The following DIP2C variants were observed in gnomAD, a reference collection of about 807,000 sequenced individuals.
DIP2C encodes DIP2 acetate--CoA ligase C (putative).
A neutral mutation model predicts 192.4 loss-of-function variants in DIP2C; 33 were observed. The ratio of observed to expected loss-of-function variants is 0.17; its 90% CI spans 0.13 to 0.23. The LOEUF (loss-of-function observed/expected upper bound fraction) is 0.23. Among genes scored for constraint, DIP2C ranks in the 10% least tolerant of loss-of-function variants. The pLI is 1.00. For synonymous variants in DIP2C, 979 were observed against 864.1 expected, an observed-to-expected ratio of 1.13 and a Z score of -2.33; for missense variants, 1,537 against 2,110.1, an observed-to-expected ratio of 0.73 and a Z score of 5.32.
intron 1 of DIP2C, among the ~76,000 whole-genome samples, chr10:499,260 T>C (rs889508733): frequency 7.9e-5 from 12 of 152,192 alleles, no homozygotes; most frequent in African/African-American, 2.7e-4. Flanking sequence ...TGGCTGCTCG[T>C]TGGCAGCGCA....
intron 1 of DIP2C, among the ~76,000 whole-genome samples, chr10:580,377 T>C (rs1357127643): frequency 1.3e-5 from 2 of 152,164 alleles, no homozygotes; most frequent in East Asian, 1.9e-4. Flanking sequence ...CACATGTATA[T>C]ATATAAGTAC....
chr10:674,490 CG>C (rs1830787193), intron 1 of DIP2C, among the ~76,000 whole-genome samples: 3 of 152,110 alleles, frequency 2.0e-5, no homozygotes, highest in South Asian at 4.2e-4. Flanking sequence ...AATAGAGAGG[CG>C]GGGTGCAGTG....
At chr10:546,785 T>C (rs564900277) in intron 1 of DIP2C, among the ~76,000 whole-genome samples, 3 of 104,358 alleles carry the variant, frequency 2.9e-5, no homozygotes, top group South Asian at 2.5e-4. Context: ...CACATTTCAT[T>C]ATGTCAAAAA....
intron 3 of DIP2C, among the ~76,000 whole-genome samples, chr10:459,227 G>A (rs1969552612): frequency 6.6e-6 from 1 of 152,020 alleles, no homozygotes; most frequent in Non-Finnish European, 1.5e-5. Context: ...GCCAGCCTTG[G>A]AAAAACCCAC....
Position 678,561 on chromosome 10 carries a change from T to C in DIP2C, c.85+10933A>G, listed in dbSNP as rs187060890. On this transcript the variant is annotated intron_variant, in intron 1 of 36. Transcript: ENST00000280886. ...CGCCCATCTCTGCTCCCCATGCCCA[T>C]GCTCCCCACGCCCGTCCTCCCTGCA... 2.2e-3 allele frequency among the ~76,000 whole-genome samples: 327 copies of C among 148,346 alleles called. 1 individual carries two copies. The highest frequency in any genetic ancestry group is 7.9e-3 in the African/African-American group (311 of 39,124).
intron 1 of DIP2C, chr10:662,198 A>G: frequency 1.4e-6 from 1 of 697,616 alleles, no homozygotes; most frequent in Non-Finnish European, 2.6e-6. Flanking sequence ...ATACACAAAG[A>G]GTACAGGCCT....
intron 3 of DIP2C, among the ~76,000 whole-genome samples, chr10:467,565 TAAAAA>T (rs71376835): frequency 4.6e-5 from 6 of 130,404 alleles, no homozygotes; most frequent in Admixed American, 3.1e-4. Context: ...TATTTAAGTG[TAAAAA>T]AAAAAAAAAA....
intron 3 of DIP2C, among the ~76,000 whole-genome samples, chr10:466,645 C>T (rs1449406700): frequency 2.0e-5 from 3 of 147,418 alleles, no homozygotes; most frequent in Non-Finnish European, 3.0e-5. Context: ...ACTCATCTGA[C>T]AAAGGGCTAA....
At chr10:325,657 G>C (rs545057869) in intron 31 of DIP2C, among the ~76,000 whole-genome samples, 1 of 152,290 alleles carries the variant, frequency 6.6e-6, no homozygotes, top group South Asian at 2.1e-4. Context: ...CATTTATGAG[G>C]AACAGAAAAA....
intron 35 of DIP2C, chr10:281,920 G>A (rs1589378054): frequency 6.6e-6 from 1 of 152,236 alleles, no homozygotes; most frequent in African/African-American, 2.4e-5. Context: ...AAGTGGTCAG[G>A]TCCTATCTTT....
intron 24 of DIP2C, among the ~76,000 whole-genome samples, chr10:351,687 C>T (rs1191811125): frequency 2.6e-5 from 4 of 152,206 alleles, no homozygotes; most frequent in African/African-American, 9.6e-5. Context: ...CAACAAGGAA[C>T]GCAGGGCTGG....
At chr10:585,397 T>C (rs936341629) in intron 1 of DIP2C, among the ~76,000 whole-genome samples, 1 of 152,190 alleles carries the variant, frequency 6.6e-6, no homozygotes, top group Non-Finnish European at 1.5e-5. Context: ...CCCTGAGTAT[T>C]CCACATAGTA....
chr10:383,208 T>C (rs909420771), intron 16 of DIP2C, among the ~76,000 whole-genome samples: 9 of 152,260 alleles, frequency 5.9e-5, no homozygotes, highest in African/African-American at 1.9e-4. Flanking sequence ...TTTGTACTTA[T>C]GGGTTAAAAC....
At chr10:648,104 A>G (rs1021072304) in intron 1 of DIP2C, among the ~76,000 whole-genome samples, 1 of 149,792 alleles carries the variant, frequency 6.7e-6, no homozygotes, top group South Asian at 2.1e-4. Context: ...GAAACAGTCC[A>G]CGTCCACATT....
chr10:586,952 C>T (rs1193038986), intron 1 of DIP2C, among the ~76,000 whole-genome samples: 1 of 151,760 alleles, frequency 6.6e-6, no homozygotes, highest in Non-Finnish European at 1.5e-5. Context: ...GCAAACAGTG[C>T]AGTGTCTAAG....
At chr10:625,890 G>GT (rs1407231780) in intron 1 of DIP2C, among the ~76,000 whole-genome samples, 1 of 152,210 alleles carries the variant, frequency 6.6e-6, no homozygotes, top group African/African-American at 2.4e-5. Context: ...AAGTGACAGA[G>GT]TGAAACCATG....
chr10:446,221 A>T (rs1480523849), intron 3 of DIP2C, among the ~76,000 whole-genome samples: 1 of 150,872 alleles, frequency 6.6e-6, no homozygotes, highest in Non-Finnish European at 1.5e-5. Flanking sequence ...ATCTGTTGTG[A>T]AAAGTCTCAC....
intron 1 of DIP2C, among the ~76,000 whole-genome samples, chr10:575,794 C>T (rs548151052): frequency 6.6e-6 from 1 of 152,310 alleles, no homozygotes; most frequent in African/African-American, 2.4e-5. Context: ...ACAGTTTCCT[C>T]CCACCCAACT....
At chr10:595,281 A>G (rs1200520507) in intron 1 of DIP2C, among the ~76,000 whole-genome samples, 2 of 152,206 alleles carry the variant, frequency 1.3e-5, no homozygotes, top group Non-Finnish European at 2.9e-5. Context: ...TCAGGTTCTT[A>G]TTAGTTCCTA....
Sources: allele counts gnomAD v4.1 joint callset (sites outside exome capture counted in the v4.1 genomes callset), GRCh38; gene constraint gnomAD v4.1.1; transcripts MANE v1.5; gene names NCBI Gene and HGNC (gene_info 2026-07-23, HGNC 2026-07-21).